Variants in TRA2B observed in about 807,000 individuals in gnomAD.
TRA2B encodes transformer 2 beta homolog.
In TRA2B, 14 loss-of-function variants were observed where a neutral mutation model predicts 41.7. The ratio of observed to expected loss-of-function variants is 0.34; its 90% CI spans 0.22 to 0.53. The LOEUF is 0.53. Ranked by LOEUF, TRA2B falls within the 20% of genes least tolerant of loss-of-function variation. The pLI is 0.95. For missense variants in TRA2B, 167 were observed against 396.8 expected (o/e 0.42, Z 4.92); for synonymous variants, 130 against 128.8 (o/e 1.01, Z -0.06).
intron 1 of TRA2B, chr3:185,935,688 G>A (rs751746938): frequency 1.1e-5 from 11 of 985,272 alleles, no homozygotes; most frequent in Admixed American, 6.2e-5. Context: ...TACACCACAG[G>A]CATGTCTAAG....
intron 1 of TRA2B, chr3:185,935,920 A>G (rs1744334877): frequency 2.0e-6 from 2 of 985,324 alleles, no homozygotes; most frequent in South Asian, 4.7e-5. Flanking sequence ...AATTTTTAAC[A>G]CATTAAGTTA....
Position 185,926,631 on chromosome 3 carries a change from C to G in TRA2B, c.140G>C (p.Arg47Thr). ...TTCAGATCGGGACCTGGACTTTGAT[C>G]TGGAACGCCTGGAATCTTCCTTGGA... ...SRSKEDSRRSRSKSRSRSESR... is the reference protein window; with the variant it reads ...SRSKEDSRRSTSKSRSRSESR... The change falls in exon 2 of 9, where the codon AGA becomes ACA. Residue 47 changes from arginine (R) to threonine (T), a missense_variant. By Grantham distance (71) the Arg-to-Thr change is moderately conservative (BLOSUM62 -1). This residue lies in a region of TRA2B where 94 missense variants were observed against 133.4 expected (regional missense o/e 0.70). Transcript: ENST00000453386. 1 of 1,614,168 alleles carries G rather than the reference C, an allele frequency of 6.2e-7. No individual in the cohort carries two copies. The highest frequency in any genetic ancestry group is 8.5e-7 in the Non-Finnish European group (1 of 1,180,008).
chr3:185,916,231 G>C lies in TRA2B; in HGVS notation c.*1484C>G, dbSNP rs1322392458. The C allele has an allele frequency of 2.6e-5, 4 of 152,168 alleles. No homozygotes were observed. Among genetic ancestry groups the C allele is most frequent in the Non-Finnish European group, 4.4e-5 (3 of 68,030 alleles). The allele number at this position is 152,168 out of a possible 1,614,324, so 9.4% of individuals were successfully genotyped here. ...TTCCATCACCCAGGTACCCAGATTT[G>C]AGACATCATGATCAAGAGAACTGTG... is the stretch of plus-strand genomic sequence containing the variant. On this transcript the variant is annotated 3_prime_UTR_variant, in exon 9 of 9. Coordinates refer to ENST00000453386, the MANE Select transcript of TRA2B (RefSeq NM_004593.3).
At chr3:185,930,539 CAT>C (rs758237899) in intron 1 of TRA2B, among the ~76,000 whole-genome samples, 8 of 152,308 alleles carry the variant, frequency 5.3e-5, no homozygotes, top group South Asian at 2.1e-4. Flanking sequence ...TTCAGGAAGA[CAT>C]GTGTGACATG....
In TRA2B at chr3:185,926,629, A is replaced by T. The variant is rs1220787561; in HGVS notation, c.142T>A (p.Ser48Thr). The T allele has an allele frequency of 1.2e-6, 2 of 1,614,156 alleles. No homozygotes were observed. Among genetic ancestry groups the T allele is most frequent in the Non-Finnish European group, 1.7e-6 (2 of 1,179,998 alleles). Residue 48 changes from serine (S) to threonine (T), a missense_variant, in exon 2 of 9, where the codon TCA becomes ACA. Physicochemically the swap from Ser to Thr is moderately conservative, Grantham distance 58. Coordinates refer to ENST00000453386, the MANE Select transcript of TRA2B (RefSeq NM_004593.3). ...GATTCAGATCGGGACCTGGACTTTG[A>T]TCTGGAACGCCTGGAATCTTCCTTG... The part of the protein sequence containing the change: ...RSKEDSRRSR[S>T]KSRSRSESRS...
intron 1 of TRA2B, chr3:185,931,870 A>G: frequency 7.1e-7 from 1 of 1,408,680 alleles, no homozygotes; most frequent in Non-Finnish European, 9.2e-7. Flanking sequence ...GAAAAAGAAC[A>G]GGATGAAGAA....
intron 1 of TRA2B, chr3:185,936,819 A>T (rs186540163): frequency 2.0e-6 from 2 of 985,372 alleles, no homozygotes; most frequent in Non-Finnish European, 2.4e-6. Flanking sequence ...TTCCGAATCC[A>T]ATACCCAGAG....
intron 4 of TRA2B, 91 bp downstream of exon 4, chr3:185,923,705 T>A: frequency 8.0e-7 from 1 of 1,249,136 alleles, no homozygotes; most frequent in East Asian, 2.5e-5. Flanking sequence ...TATTACTGAC[T>A]TGTCCTTGTC....
intron 1 of TRA2B, chr3:185,936,257 T>C (rs1273052926): frequency 4.1e-6 from 4 of 985,262 alleles, no homozygotes; most frequent in African/African-American, 1.7e-5. Flanking sequence ...CAAACACCAA[T>C]GACTGTTATA....
chr3:185,926,702 A>G lies in TRA2B; in HGVS notation c.69T>C (p.Ala23=). ...GCCTTGCAGATTTCCCCGATCCGTGAGCACTTCCACTTCTGGAAGCAGAAC... is the reference window on the plus strand; with the variant it reads ...GCCTTGCAGATTTCCCCGATCCGTGGGCACTTCCACTTCTGGAAGCAGAAC... ...ESRSASRSGS[A]HGSGKSARHT... is the part of the protein sequence containing the mutation. Residue 23 remains alanine, a synonymous_variant, in exon 2 of 9, where the codon GCT becomes GCC. Coordinates refer to ENST00000453386, the MANE Select transcript of TRA2B (RefSeq NM_004593.3). 1 of 1,614,162 alleles carries G rather than the reference A, an allele frequency of 6.2e-7. No homozygotes were observed. Among genetic ancestry groups the G allele is most frequent in the South Asian group, 1.1e-5 (1 of 91,086 alleles).
chr3:185,922,437 G>T, intron 4 of TRA2B: 1 of 202,414 alleles, frequency 4.9e-6, no homozygotes, highest in Non-Finnish European at 9.8e-6. Context: ...GGCTGTTTCT[G>T]TATAACCCAT....
At chr3:185,935,050 A>G (rs34595730) in intron 1 of TRA2B, 16,963 of 985,364 alleles carry the variant, frequency 0.017, 174 homozygotes, top group Non-Finnish European at 0.019. Flanking sequence ...CAACATACAA[A>G]TCTCACACAA....
chr3:185,920,565 ATT>A (rs575385217), intron 6 of TRA2B, among the ~76,000 whole-genome samples: 3 of 148,000 alleles, frequency 2.0e-5, no homozygotes, highest in Non-Finnish European at 3.0e-5. Flanking sequence ...TCATTTATTT[ATT>A]TTTTTTTTTG....
At position 185,921,127 on chromosome 3, in the gene TRA2B, C is replaced by T. The variant is rs1743718312; in HGVS notation, c.699G>A (p.Arg233=). Residue 233 remains arginine (R), a synonymous_variant, in exon 6 of 9, where the codon CGG becomes CGA. Transcript: ENST00000453386. ...ACCTGTATGATCTGCTATAGTAGTC[C>T]CGATCATCATAGCCCCGATCATATC... ...DRGYDRGYDD[R]DYYSRSYRGG... The T allele has an allele frequency of 6.2e-7, 1 of 1,613,872 alleles. No homozygotes were observed. The highest frequency in any genetic ancestry group is 1.3e-5 in the African/African-American group (1 of 74,868).
At chr3:185,922,342 CCTAA>C (rs1743774585) in intron 4 of TRA2B, 1 of 387,724 alleles carries the variant, frequency 2.6e-6, no homozygotes, top group Non-Finnish European at 4.6e-6. Context: ...AATTATTTTA[CCTAA>C]CTATGATCCT....
chr3:185,915,716 G>A lies in TRA2B; in HGVS notation c.*1999C>T, dbSNP rs1443398649. The stretch of plus-strand genomic sequence containing the variant: ...GGAAACTTTCAATCAGCAGGATAAA[G>A]GATGGCTACACAACTAAAGGGCTAA... On this transcript the variant is annotated 3_prime_UTR_variant, in exon 9 of 9. Transcript: ENST00000453386. Among the ~76,000 whole-genome samples the A allele has an allele frequency of 1.3e-5, 2 of 152,166 alleles. No homozygotes were observed. The highest frequency in any genetic ancestry group is 2.9e-5 in the Non-Finnish European group (2 of 68,024).
At chr3:185,935,189 A>C (rs1244814575) in intron 1 of TRA2B, 2 of 985,294 alleles carry the variant, frequency 2.0e-6, no homozygotes, top group Non-Finnish European at 2.4e-6. Context: ...GTGCTAGTCA[A>C]CCCCTTTACA....
intron 5 of TRA2B, 75 bp downstream of exon 5, chr3:185,921,936 G>C (rs1487008273): frequency 9.2e-7 from 1 of 1,089,874 alleles, no homozygotes; most frequent in Non-Finnish European, 1.4e-6. Context: ...AAGTGCTGAA[G>C]ACTTTCCACT....
At position 185,917,741 on chromosome 3, in the gene TRA2B, T is replaced by A. The variant is rs1308157786; in HGVS notation, c.857-16A>T. The stretch of plus-strand genomic sequence containing the variant: ...TAATAGCGACCTGGGAAGAAAAGAA[T>A]GAACATGCTTTAATATTAAGTGAAC... On this transcript the variant is annotated splice_polypyrimidine_tract_variant and intron_variant, in intron 8 of 8. Coordinates refer to ENST00000453386, the MANE Select transcript of TRA2B (RefSeq NM_004593.3). 1.9e-6 allele frequency: 3 copies of A among 1,612,034 alleles called. No homozygotes were observed. Among genetic ancestry groups the A allele is most frequent in the Non-Finnish European group, 2.5e-6 (3 of 1,178,348 alleles).
Sources: allele counts gnomAD v4.1 joint callset (sites outside exome capture counted in the v4.1 genomes callset), GRCh38; gene constraint gnomAD v4.1.1; regional missense constraint gnomAD v4.1.1; transcripts MANE v1.5; gene names NCBI Gene and HGNC (gene_info 2026-07-23, HGNC 2026-07-21).